SMURF1: variants seen among roughly 807,000 people sequenced by gnomAD.
SMURF1 encodes the protein SMAD specific E3 ubiquitin protein ligase 1, also known as E3 ubiquitin-protein ligase SMURF1.
A neutral mutation model predicts 98.0 loss-of-function variants in SMURF1; 44 were observed. The ratio of observed to expected loss-of-function variants is 0.45; its 90% CI spans 0.35 to 0.58. The LOEUF (loss-of-function observed/expected upper bound fraction) is 0.58. Among genes scored for constraint, SMURF1 ranks in the 20% least tolerant of loss-of-function variants. The probability of loss-of-function intolerance (pLI) is 0.00; values close to 1 mark genes in which losing one functional copy is unlikely to be tolerated. For synonymous variants in SMURF1, 396 were observed against 374.9 expected (o/e 1.06, Z -0.65); for missense variants, 687 against 938.4 (o/e 0.73, Z 3.50).
Position 99,057,203 on chromosome 7 carries a change from A to T in SMURF1, c.403+2T>A. ...TCTTTACACAGACAAGAAAGTTCTT[A>T]CCCACTATCTGGCCACGAACTGCAT... On this transcript the variant is annotated splice_donor_variant, in intron 5 of 17. Transcript: ENST00000361368. LOFTEE classifies it high-confidence loss of function. 1 of 1,613,814 alleles carries T rather than the reference A, an allele frequency of 6.2e-7. No homozygotes were observed. Among genetic ancestry groups the T allele is most frequent in the Non-Finnish European group, 8.5e-7 (1 of 1,179,740 alleles).
chr7:99,104,523 T>C (rs539948966), intron 1 of SMURF1, among the ~76,000 whole-genome samples: 2 of 152,280 alleles, frequency 1.3e-5, no homozygotes, highest in East Asian at 1.9e-4. Flanking sequence ...ATCTGTAAAA[T>C]AGGAATAGTA....
intron 1 of SMURF1, among the ~76,000 whole-genome samples, chr7:99,115,518 G>C (rs1403954081): frequency 2.0e-5 from 3 of 152,102 alleles, no homozygotes; most frequent in African/African-American, 7.2e-5. Context: ...ACTTGAGCCT[G>C]GGTGGCTGAA....
chr7:99,051,490 G>A, intron 7 of SMURF1, 49 bp from the exon 8 acceptor site: 1 of 1,487,940 alleles, frequency 6.7e-7, no homozygotes, highest in Non-Finnish European at 9.4e-7. Context: ...ATTCCAGGGA[G>A]AGTTTGTAAC....
intron 1 of SMURF1, among the ~76,000 whole-genome samples, chr7:99,126,242 C>T (rs780633656): frequency 2.6e-5 from 4 of 151,948 alleles, no homozygotes; most frequent in Non-Finnish European, 5.9e-5. Flanking sequence ...AAATTAATAT[C>T]AAATTCTAAT....
rs768071279 is a variant in SMURF1, at chr7:99,054,868, A to G, written c.404-3T>C. On this transcript the variant is annotated splice_region_variant and splice_polypyrimidine_tract_variant and intron_variant, in intron 5 of 17. Coordinates refer to ENST00000361368, the MANE Select transcript of SMURF1 (RefSeq NM_181349.3). Reference sequence around the variant, plus strand: ...TCTGTCTCGTGTCTGTAAACTGACTAAAAGAGAAAAGAACGACTTGTGTTA... The same window carrying G: ...TCTGTCTCGTGTCTGTAAACTGACTGAAAGAGAAAAGAACGACTTGTGTTA... The G allele has an allele frequency of 2.5e-5, 40 of 1,613,898 alleles. No individual in the cohort carries two copies. The highest frequency in any genetic ancestry group is 3.2e-5 in the Non-Finnish European group (38 of 1,179,916).
intron 1 of SMURF1, among the ~76,000 whole-genome samples, chr7:99,072,131 A>T (rs932190082): frequency 2.6e-5 from 4 of 152,150 alleles, no homozygotes; most frequent in African/African-American, 7.2e-5. Context: ...AGTAATCATA[A>T]GTAATAGCAA....
chr7:99,114,028 G>A (rs1797386668), intron 1 of SMURF1, among the ~76,000 whole-genome samples: 2 of 151,976 alleles, frequency 1.3e-5, no homozygotes, highest in African/African-American at 2.4e-5. Context: ...ACACACTGAT[G>A]AGCACATAAT....
intron 5 of SMURF1, 72 bp from the exon 6 acceptor site, chr7:99,054,937 C>T (rs1795845021): frequency 7.4e-7 from 1 of 1,345,656 alleles, no homozygotes; most frequent in Non-Finnish European, 1.1e-6. Context: ...TGAGTCATTG[C>T]TAATTTAGAA....
chr7:99,143,843 G>A lies in SMURF1; in HGVS notation c.-63C>T. 2.1e-6 allele frequency: 3 copies of A among 1,416,538 alleles called. No homozygotes were observed. The highest frequency in any genetic ancestry group is 3.2e-5 in the East Asian group (1 of 31,666). The allele number at this position is 1,416,538 out of a possible 1,614,324, so 87.7% of individuals were successfully genotyped here. Reference sequence around the variant, plus strand: ...ACCGCCCCCCAGCCCGGCCCGGCCCGGCCCCGCCGCCGCCGCCTCAAGGTT... The same window carrying A: ...ACCGCCCCCCAGCCCGGCCCGGCCCAGCCCCGCCGCCGCCGCCTCAAGGTT... On this transcript the variant is annotated 5_prime_UTR_variant, in exon 1 of 18. Transcript: ENST00000361368.
chr7:99,079,706 C>T (rs1232276889), intron 1 of SMURF1, among the ~76,000 whole-genome samples: 1 of 152,084 alleles, frequency 6.6e-6, no homozygotes, highest in Non-Finnish European at 1.5e-5. Context: ...ATCCACACAT[C>T]TGGAAATTTT....
chr7:99,122,278 A>G (rs1797648839), intron 1 of SMURF1, among the ~76,000 whole-genome samples: 1 of 150,528 alleles, frequency 6.6e-6, no homozygotes. Context: ...CAGTAAGCCG[A>G]GATCGGGCCA....
intron 1 of SMURF1, among the ~76,000 whole-genome samples, chr7:99,071,806 G>A (rs1796330422): frequency 6.6e-6 from 1 of 152,174 alleles, no homozygotes; most frequent in African/African-American, 2.4e-5. Flanking sequence ...AGACTCAGCG[G>A]CTCATGCCTG....
At chr7:99,068,523 C>T (rs901448880) in intron 1 of SMURF1, among the ~76,000 whole-genome samples, 1 of 152,188 alleles carries the variant, frequency 6.6e-6, no homozygotes, top group Non-Finnish European at 1.5e-5. Flanking sequence ...CTGCTCCAAA[C>T]ACCTGGCCTC....
chr7:99,105,334 T>C (rs191179247), intron 1 of SMURF1, among the ~76,000 whole-genome samples: 44 of 152,248 alleles, frequency 2.9e-4, no homozygotes, highest in African/African-American at 9.9e-4. Context: ...CAAAATTATA[T>C]AGAATACATA....
chr7:99,032,801 G>A (rs926776984), intron 17 of SMURF1: 16 of 638,122 alleles, frequency 2.5e-5, no homozygotes, highest in African/African-American at 5.4e-5. Flanking sequence ...CAGTAAAGCC[G>A]CTCTATACAG....
intron 11 of SMURF1, among the ~76,000 whole-genome samples, chr7:99,044,326 A>C (rs1214328362): frequency 1.3e-5 from 2 of 152,102 alleles, no homozygotes; most frequent in Non-Finnish European, 2.9e-5. Context: ...AAAAAAAGGG[A>C]AGAAGAAATT....
intron 16 of SMURF1, among the ~76,000 whole-genome samples, chr7:99,033,666 C>G (rs919122181): frequency 1.3e-5 from 2 of 152,218 alleles, no homozygotes; most frequent in Non-Finnish European, 2.9e-5. Flanking sequence ...TAAGGCCCCC[C>G]CTAAAGTGCA....
At chr7:99,122,527 C>G (rs2150625814) in intron 1 of SMURF1, among the ~76,000 whole-genome samples, 1 of 151,310 alleles carries the variant, frequency 6.6e-6, no homozygotes, top group East Asian at 1.9e-4. Context: ...GCCTGTAATC[C>G]CAGCTACTTG....
At chr7:99,142,120 A>T (rs1378192762) in intron 1 of SMURF1, among the ~76,000 whole-genome samples, 1 of 152,236 alleles carries the variant, frequency 6.6e-6, no homozygotes, top group Non-Finnish European at 1.5e-5. Context: ...GGGGGGAAAC[A>T]GGTTGGCATC....
Sources: allele counts gnomAD v4.1 joint callset (sites outside exome capture counted in the v4.1 genomes callset), GRCh38; gene constraint gnomAD v4.1.1; transcripts MANE v1.5; gene names NCBI Gene and HGNC (gene_info 2026-07-23, HGNC 2026-07-21).